MICAL3: variants seen among roughly 807,000 people sequenced by gnomAD.
The protein encoded by MICAL3 is [F-actin]-monooxygenase MICAL3.
A neutral mutation model predicts 207.4 loss-of-function variants in MICAL3; 62 were observed. The ratio of observed to expected loss-of-function variants is 0.30; its 90% confidence interval spans 0.24 to 0.37. The LOEUF (loss-of-function observed/expected upper bound fraction) is 0.37, where lower values mean the gene tolerates loss of function less well. MICAL3 is among the 10% of genes least tolerant of loss of function. The pLI is 1.00. For synonymous variants in MICAL3, 1,077 were observed against 1,069.3 expected (o/e 1.01, Z -0.14); for missense variants, 2,368 against 2,635.6 (o/e 0.90, Z 2.22).
chr22:17,974,485 G>A (rs555860823), intron 1 of MICAL3, among the ~76,000 whole-genome samples: 11 of 152,342 alleles, frequency 7.2e-5, no homozygotes, highest in African/African-American at 2.2e-4. Context: ...GCCAAAGGAG[G>A]AGAATTGCTT....
At chr22:17,825,489 A>C (rs1922079388) in intron 22 of MICAL3, among the ~76,000 whole-genome samples, 1 of 151,208 alleles carries the variant, frequency 6.6e-6, no homozygotes, top group Non-Finnish European at 1.5e-5. Context: ...CCACCGCCCT[A>C]GGGACCCAAG....
At chr22:17,965,118 T>A (rs1935085684) in intron 1 of MICAL3, among the ~76,000 whole-genome samples, 1 of 135,264 alleles carries the variant, frequency 7.4e-6, no homozygotes, top group Non-Finnish European at 1.5e-5. Flanking sequence ...TTTCCCTCCT[T>A]CCCCTTCTAT....
chr22:18,022,801 T>TGTACATAGGCATACATAGGCATA (rs1924569913), intron 1 of MICAL3, among the ~76,000 whole-genome samples: 1 of 152,160 alleles, frequency 6.6e-6, no homozygotes, highest in Non-Finnish European at 1.5e-5. Flanking sequence ...CATGTGACTC[T>TGTACATAGGCATACATAGGCATA]GGTTAGTACA....
intron 16 of MICAL3, among the ~76,000 whole-genome samples, chr22:17,876,181 A>G (rs1007007663): frequency 6.6e-6 from 1 of 152,166 alleles, no homozygotes; most frequent in African/African-American, 2.4e-5. Flanking sequence ...CACATAGCAC[A>G]CGTAACAAAA....
Position 17,818,161 on chromosome 22 carries a change from C to T in MICAL3, c.4500G>A (p.Glu1500=). Residue 1500 remains glutamate (E), a synonymous_variant, in exon 26 of 32, where the codon GAG becomes GAA. Transcript: ENST00000441493. ...CCTCCTCTCTGGGGGGCTGAGCAGGCTCCCGGGGGGGCCGCATCCAGGTGG... is the reference window on the plus strand; with the variant it reads ...CCTCCTCTCTGGGGGGCTGAGCAGGTTCCCGGGGGGGCCGCATCCAGGTGG... ...LPATWMRPPR[E]PAQPPREEVR... is the part of the protein sequence containing the mutation. 1 of 1,599,566 alleles carries T rather than the reference C, an allele frequency of 6.3e-7. No homozygotes were observed. The highest frequency in any genetic ancestry group is 1.1e-5 in the South Asian group (1 of 89,170).
At chr22:17,916,052 T>A (rs1412746948) in intron 1 of MICAL3, among the ~76,000 whole-genome samples, 1 of 78,850 alleles carries the variant, frequency 1.3e-5, no homozygotes, top group Non-Finnish European at 2.2e-5. Context: ...CGAGATCCAG[T>A]CTCAAAAAAA....
intron 1 of MICAL3, among the ~76,000 whole-genome samples, chr22:17,960,318 G>A (rs994346308): frequency 6.6e-6 from 1 of 152,232 alleles, no homozygotes; most frequent in African/African-American, 2.4e-5. Context: ...CTGTGTACAT[G>A]CGTGTGCATG....
chr22:17,802,318 G>A (rs1247533522), intron 29 of MICAL3, among the ~76,000 whole-genome samples: 1 of 152,188 alleles, frequency 6.6e-6, no homozygotes, highest in Non-Finnish European at 1.5e-5. Context: ...ACCTGCCTTG[G>A]CCTCCCAAAT....
chr22:17,976,732 A>G (rs5992936), intron 1 of MICAL3, among the ~76,000 whole-genome samples: 1,663 of 149,708 alleles, frequency 0.011, 16 homozygotes, highest in African/African-American at 0.029. Context: ...TGCAAAAGCT[A>G]TAACAGTCAC....
At chr22:17,914,521 A>T (rs956294837) in intron 1 of MICAL3, among the ~76,000 whole-genome samples, 2 of 152,186 alleles carry the variant, frequency 1.3e-5, no homozygotes, top group Admixed American at 1.3e-4. Context: ...CTGAGAATAC[A>T]GCTTGAGAAA....
At chr22:17,802,927 A>T (rs1299228394) in intron 29 of MICAL3, among the ~76,000 whole-genome samples, 1 of 152,202 alleles carries the variant, frequency 6.6e-6, no homozygotes, top group Non-Finnish European at 1.5e-5. Context: ...CCTGAAGCTT[A>T]GAAATGAGAC....
chr22:17,887,739 G>C (rs1930052933), intron 13 of MICAL3, among the ~76,000 whole-genome samples: 1 of 152,204 alleles, frequency 6.6e-6, no homozygotes, highest in Non-Finnish European at 1.5e-5. Context: ...GTGATTGTTA[G>C]TTACAGCAGA....
chr22:17,852,992 T>C (rs1925498041), intron 19 of MICAL3, among the ~76,000 whole-genome samples: 1 of 151,974 alleles, frequency 6.6e-6, no homozygotes, highest in Non-Finnish European at 1.5e-5. Context: ...GGAGAATCGC[T>C]TGAACCTGGG....
intron 16 of MICAL3, chr22:17,884,222 G>A (rs1175676984): frequency 3.9e-6 from 5 of 1,292,706 alleles, no homozygotes; most frequent in Middle Eastern, 2.5e-4. Flanking sequence ...CAGGAGGAGG[G>A]GTAGGAAGGC....
chr22:17,914,237 C>T (rs1040881239), intron 1 of MICAL3, among the ~76,000 whole-genome samples: 1 of 151,556 alleles, frequency 6.6e-6, no homozygotes, highest in Non-Finnish European at 1.5e-5. Flanking sequence ...CTCTCCACTC[C>T]ATCTGTTCTA....
intron 17 of MICAL3, among the ~76,000 whole-genome samples, chr22:17,868,934 A>T (rs540573129): frequency 6.6e-6 from 1 of 152,076 alleles, no homozygotes; most frequent in East Asian, 1.9e-4. Flanking sequence ...TGCATGGAGA[A>T]CCACACAGGC....
At chr22:17,967,564 A>G (rs147787169) in intron 1 of MICAL3, among the ~76,000 whole-genome samples, 2 of 152,286 alleles carry the variant, frequency 1.3e-5, no homozygotes, top group African/African-American at 4.8e-5. Flanking sequence ...GGTAAAGGTT[A>G]AGGACAGGCT....
rs59740388 is a variant in MICAL3 at position 17,953,930 on chromosome 22, C to CAAAAAAAAAAAAAAAAAAAA, written c.-74-47064_-74-47045dup. 5.7e-4 allele frequency among the ~76,000 whole-genome samples: 49 copies of CAAAAAAAAAAAAAAAAAAAA among 86,516 alleles called. 1 individual carries two copies. The highest frequency in any genetic ancestry group is 9.4e-4 in the African/African-American group (23 of 24,524). The allele number at this position is 86,516 out of a possible 152,430, so 56.8% of individuals were successfully genotyped here. A position where few individuals can be genotyped will look rare whatever the true frequency, so the allele number is the denominator to read the frequency against. On this transcript the variant is annotated intron_variant, in intron 1 of 31. Coordinates refer to ENST00000441493, the MANE Select transcript of MICAL3 (RefSeq NM_015241.3). ...CAGGTGACAGAGTAAGACTCCATCT[C>CAAAAAAAAAAAAAAAAAAAA]AAAAAAAAAAAAAAAAAAAAAAAAA...
At chr22:17,824,355 C>A (rs932890609) in intron 22 of MICAL3, among the ~76,000 whole-genome samples, 3 of 152,092 alleles carry the variant, frequency 2.0e-5, no homozygotes, top group Admixed American at 6.5e-5. Context: ...GAACTGATGG[C>A]GCCCGGTTAG....
Sources: gnomAD v4.1 joint callset for allele counts (sites outside exome capture counted in the v4.1 genomes callset) on GRCh38, gnomAD v4.1.1 for gene constraint, MANE v1.5 for transcripts, NCBI Gene and HGNC (gene_info 2026-07-23, HGNC 2026-07-21) for gene names.